Variants in CTNNAL1 observed in about 807,000 individuals in gnomAD.
CTNNAL1 encodes the protein catenin alpha like 1, also known as alpha-catulin.
In CTNNAL1, 69 loss-of-function variants were observed where a neutral mutation model predicts 93.6. That is an observed-to-expected ratio of 0.74 (90% CI 0.61 to 0.90). CTNNAL1 has a LOEUF of 0.90. Ranked by LOEUF, CTNNAL1 falls within the 40% of genes least tolerant of loss-of-function variation. The probability of loss-of-function intolerance (pLI) is 0.00; values close to 1 mark genes in which losing one functional copy is unlikely to be tolerated. For missense variants in CTNNAL1, 836 were observed against 862.0 expected (o/e 0.97, Z 0.38); for synonymous variants, 286 against 305.4 (o/e 0.94, Z 0.66).
chr9:108,972,927 C>T, intron 8 of CTNNAL1, 94 bp from the exon 9 acceptor site: 2 of 1,382,252 alleles, frequency 1.4e-6, no homozygotes, highest in Non-Finnish European at 1.9e-6. Flanking sequence ...TGTGACCAAG[C>T]ACCACATCAG....
At chr9:108,949,972 C>A (rs966008215) in intron 14 of CTNNAL1, among the ~76,000 whole-genome samples, 1 of 147,988 alleles carries the variant, frequency 6.8e-6, no homozygotes, top group Non-Finnish European at 1.5e-5. Context: ...TGCAGTGAGC[C>A]GAGATCATGC....
At chr9:108,953,399 AG>A (rs1311527897) in intron 12 of CTNNAL1, among the ~76,000 whole-genome samples, 1 of 152,234 alleles carries the variant, frequency 6.6e-6, no homozygotes, top group Admixed American at 6.5e-5. Flanking sequence ...CAGAACAGCT[AG>A]GGTTTGTAGA....
chr9:108,993,088 C>G (rs2132179686), intron 2 of CTNNAL1, among the ~76,000 whole-genome samples: 1 of 152,294 alleles, frequency 6.6e-6, no homozygotes, highest in East Asian at 1.9e-4. Flanking sequence ...AGTGGTAATG[C>G]AAACTACACA....
chr9:108,984,547 TGA>T, intron 4 of CTNNAL1, 111 bp from the exon 5 acceptor site: 9 of 435,106 alleles, frequency 2.1e-5, no homozygotes, highest in East Asian at 3.6e-5. Context: ...CATTGTTAAG[TGA>T]AAAAAAAAAA....
chr9:108,984,547 TG>T (rs993489722), intron 4 of CTNNAL1, 111 bp from the exon 5 acceptor site: 89 of 434,928 alleles, frequency 2.0e-4, no homozygotes, highest in Middle Eastern at 1.1e-3. Context: ...CATTGTTAAG[TG>T]AAAAAAAAAA....
In CTNNAL1 at chr9:108,978,158, T is replaced by C. The variant is rs1489959116; in HGVS notation, c.1102-1110A>G. On this transcript the variant is annotated intron_variant, in intron 7 of 18. Transcript: ENST00000325551. ...ATCACAAGCAACTCTTTATAGTGAG[T>C]GTTGGACTTAAAACTGAACACTGAA... is the stretch of plus-strand genomic sequence containing the variant. Among the ~76,000 whole-genome samples the C allele has an allele frequency of 4.6e-5, 7 of 152,212 alleles. 1 individual carries two copies. The highest frequency in any genetic ancestry group is 2.9e-5 in the Non-Finnish European group (2 of 68,040).
At chr9:109,008,750 T>C (rs1050228963) in intron 1 of CTNNAL1, among the ~76,000 whole-genome samples, 1 of 152,146 alleles carries the variant, frequency 6.6e-6, no homozygotes, top group African/African-American at 2.4e-5. Flanking sequence ...TGGCTAATCT[T>C]TTTATTTTTT....
At chr9:108,974,963 G>C (rs1221023169) in intron 8 of CTNNAL1, among the ~76,000 whole-genome samples, 1 of 152,098 alleles carries the variant, frequency 6.6e-6, no homozygotes, top group East Asian at 1.9e-4. Flanking sequence ...AGGAGTTTGA[G>C]ACCAGCCTGG....
Position 108,990,903 on chromosome 9 carries a change from T to G in CTNNAL1, c.520-58A>C, listed in dbSNP as rs548473575. 1.3e-5 allele frequency: 21 copies of G among 1,560,826 alleles called. No homozygotes were observed. The South Asian group carries it at 1.6e-4, about 12-fold the overall frequency. On this transcript the variant is annotated intron_variant, in intron 3 of 18. Transcript: ENST00000325551. The stretch of plus-strand genomic sequence containing the variant: ...AGAGCTACTCAAGAGACTGAGATTG[T>G]CAAGGCTGAGTAGAGAGAAGAAAAG...
At chr9:108,991,896 C>T (rs959121046) in intron 3 of CTNNAL1, 2 of 612,012 alleles carry the variant, frequency 3.3e-6, no homozygotes, top group African/African-American at 1.9e-5. Context: ...GATCATGGAG[C>T]ATGACCATCA....
At chr9:108,947,618 A>C (rs964328740) in intron 15 of CTNNAL1, among the ~76,000 whole-genome samples, 1 of 152,208 alleles carries the variant, frequency 6.6e-6, no homozygotes, top group African/African-American at 2.4e-5. Flanking sequence ...TAGAGGGAGT[A>C]GAATTACAGA....
At chr9:108,956,726 A>T (rs932443842) in intron 11 of CTNNAL1, among the ~76,000 whole-genome samples, 5 of 152,206 alleles carry the variant, frequency 3.3e-5, no homozygotes, top group Non-Finnish European at 7.3e-5. Flanking sequence ...GGAAATGGGC[A>T]AACCTGTTTG....
chr9:108,972,864 G>GGGGGGGGCA, intron 8 of CTNNAL1, 31 bp from the exon 9 acceptor site: 2 of 142,588 alleles, frequency 1.4e-5, no homozygotes, highest in Non-Finnish European at 2.0e-5. Flanking sequence ...GGGGGGGTGG[G>GGGGGGGGCA]AGGGTGGAGA....
chr9:108,964,842 T>TTTTATTTATTTATTTATTTA (rs368745715), intron 11 of CTNNAL1, among the ~76,000 whole-genome samples: 1 of 136,206 alleles, frequency 7.3e-6, no homozygotes, highest in South Asian at 2.2e-4. Flanking sequence ...ATGCTGTTTG[T>TTTTATTTATTTATTTATTTA]TTTATTTATT....
chr9:108,955,734 C>A, intron 12 of CTNNAL1, 56 bp downstream of exon 12: 8 of 1,441,988 alleles, frequency 5.5e-6, no homozygotes, highest in African/African-American at 1.4e-5. Flanking sequence ...GCAACAAGAG[C>A]ATAATTTGAA....
At chr9:108,950,584 C>T (rs1459877406) in intron 14 of CTNNAL1, 1 of 1,550,202 alleles carries the variant, frequency 6.5e-7, no homozygotes, top group East Asian at 2.4e-5. Context: ...TGCATCTTCC[C>T]CACTCTTAAT....
chr9:108,981,396 T>C (rs1831422274), intron 6 of CTNNAL1, among the ~76,000 whole-genome samples: 1 of 151,128 alleles, frequency 6.6e-6, no homozygotes, highest in Non-Finnish European at 1.5e-5. Context: ...AAGTGAAAGG[T>C]CATGGACTTT....
intron 11 of CTNNAL1, among the ~76,000 whole-genome samples, chr9:108,956,934 T>C (rs553016890): frequency 6.6e-6 from 1 of 151,960 alleles, no homozygotes; most frequent in South Asian, 2.1e-4. Context: ...AAGTGTTTAA[T>C]ACATAACAGA....
intron 10 of CTNNAL1, among the ~76,000 whole-genome samples, chr9:108,969,904 T>C (rs990880036): frequency 1.3e-5 from 2 of 152,212 alleles, no homozygotes; most frequent in Admixed American, 6.5e-5. Context: ...ACTCCTGTAC[T>C]CAAACGATCC....
Sources: allele counts gnomAD v4.1 joint callset (sites outside exome capture counted in the v4.1 genomes callset), GRCh38; gene constraint gnomAD v4.1.1; transcripts MANE v1.5; gene names NCBI Gene and HGNC (gene_info 2026-07-23, HGNC 2026-07-21).